Variants in TMEM238L observed in about 807,000 individuals in gnomAD.
TMEM238L encodes the protein transmembrane protein 238 like.
intron 1 of TMEM238L, among the ~76,000 whole-genome samples, chr17:10,801,764 G>A (rs1408952165): frequency 2.0e-5 from 3 of 151,826 alleles, no homozygotes; most frequent in East Asian, 1.9e-4. Context: ...CCTGAGAGTA[G>A]AGCCCCCACG....
chr17:10,799,185 C>T lies in TMEM238L; in HGVS notation c.*119-3237G>A, dbSNP rs1904655306. On this transcript the variant is annotated intron_variant, in intron 1 of 1. Transcript: ENST00000581851. ...GGGGCAGGGTGGGGGCAGGTCCTATCAAACTCATTTTTTAATTTTTTATTT... is the reference window on the plus strand; with the variant it reads ...GGGGCAGGGTGGGGGCAGGTCCTATTAAACTCATTTTTTAATTTTTTATTT... Among the ~76,000 whole-genome samples, 2 of 152,172 alleles carry T rather than the reference C, an allele frequency of 1.3e-5. 1 individual carries two copies. The highest frequency in any genetic ancestry group is 4.1e-4 in the South Asian group (2 of 4,824).
At chr17:10,804,030 C>T in exon 1 of TMEM238L, 1 of 402,348 alleles carries the variant, frequency 2.5e-6, no homozygotes, top group Non-Finnish European at 4.4e-6. Context: ...GGGTGGCGGT[C>T]CTGCCTGCTG....
chr17:10,801,462 C>T (rs894769535), intron 1 of TMEM238L, among the ~76,000 whole-genome samples: 1 of 152,202 alleles, frequency 6.6e-6, no homozygotes, highest in Non-Finnish European at 1.5e-5. Flanking sequence ...GCTCTCTGCC[C>T]TTCAATCTCC....
intron 1 of TMEM238L, among the ~76,000 whole-genome samples, chr17:10,797,389 C>T (rs1186746348): frequency 9.4e-5 from 6 of 64,080 alleles, no homozygotes; most frequent in Non-Finnish European, 1.4e-4. Flanking sequence ...CCTTCCCTCC[C>T]TCCCTCCCTC....
chr17:10,797,351 C>CT (rs1443407461), intron 1 of TMEM238L, among the ~76,000 whole-genome samples: 1 of 145,332 alleles, frequency 6.9e-6, no homozygotes, highest in Non-Finnish European at 1.5e-5. Flanking sequence ...TTTCTTCCTC[C>CT]CCCCTTTCCT....
chr17:10,803,906 T>C (rs1904820845), exon 1 of TMEM238L: 6 of 399,418 alleles, frequency 1.5e-5, no homozygotes, highest in South Asian at 1.3e-4. Context: ...AGGGCGAGGA[T>C]GAGGAAGAGC....
chr17:10,803,849 C>A, exon 1 of TMEM238L: 1 of 399,554 alleles, frequency 2.5e-6, no homozygotes. Context: ...CTCAGGGGGG[C>A]CAAGATCCCC....
chr17:10,802,805 A>G (rs1567610356), intron 1 of TMEM238L, among the ~76,000 whole-genome samples: 1 of 152,116 alleles, frequency 6.6e-6, no homozygotes, highest in South Asian at 2.1e-4. Flanking sequence ...TAAGGACCAG[A>G]CCACTCTATC....
At chr17:10,803,799 C>T (rs1904818204) in exon 1 of TMEM238L, 1 of 399,596 alleles carries the variant, frequency 2.5e-6, no homozygotes, top group East Asian at 3.6e-5. Context: ...GGCTGAGAGC[C>T]AGGATCAGGG....
intron 1 of TMEM238L, among the ~76,000 whole-genome samples, chr17:10,801,655 T>C (rs1317036161): frequency 6.6e-6 from 1 of 152,226 alleles, no homozygotes; most frequent in East Asian, 1.9e-4. Context: ...TGTGGCAGGA[T>C]GCTCCTCTCC....
chr17:10,800,809 GC>G (rs1347381188), intron 1 of TMEM238L, among the ~76,000 whole-genome samples: 4 of 152,194 alleles, frequency 2.6e-5, no homozygotes, highest in African/African-American at 9.7e-5. Flanking sequence ...TATGGCCCAT[GC>G]TCTTCAACGC....
chr17:10,799,415 C>T (rs901383360), intron 1 of TMEM238L, among the ~76,000 whole-genome samples: 1 of 152,158 alleles, frequency 6.6e-6, no homozygotes, highest in Non-Finnish European at 1.5e-5. Context: ...CCAGGCTGGT[C>T]TCCAACTTCT....
intron 1 of TMEM238L, among the ~76,000 whole-genome samples, chr17:10,803,111 CG>C (rs1904796011): frequency 6.6e-6 from 1 of 151,922 alleles, no homozygotes; most frequent in African/African-American, 2.4e-5. Flanking sequence ...AGGAAGTGAA[CG>C]AGAGGGGCCG....
chr17:10,803,628 G>T (rs930095022), exon 1 of TMEM238L: 11 of 397,756 alleles, frequency 2.8e-5, no homozygotes, highest in African/African-American at 1.9e-4. Flanking sequence ...TGGCTTGCTA[G>T]GTGGAAGCTG....
At chr17:10,800,178 C>T (rs1023861773) in intron 1 of TMEM238L, among the ~76,000 whole-genome samples, 5 of 152,062 alleles carry the variant, frequency 3.3e-5, no homozygotes, top group East Asian at 1.9e-4. Context: ...GTGATCCGCC[C>T]GCCTCAGCCT....
At chr17:10,801,081 C>G (rs557815553) in intron 1 of TMEM238L, among the ~76,000 whole-genome samples, 3 of 149,680 alleles carry the variant, frequency 2.0e-5, no homozygotes, top group South Asian at 4.2e-4. Context: ...GACGGAGTCT[C>G]GCTCTGTCAC....
chr17:10,801,053 G>GT (rs34698731), intron 1 of TMEM238L, among the ~76,000 whole-genome samples: 1,940 of 141,192 alleles, frequency 0.014, 19 homozygotes, highest in Middle Eastern at 0.037. Context: ...CCTTTTTACT[G>GT]TTTTTTTTTT....
intron 1 of TMEM238L, among the ~76,000 whole-genome samples, chr17:10,800,106 G>A (rs1904691983): frequency 6.6e-6 from 1 of 152,094 alleles, no homozygotes; most frequent in Non-Finnish European, 1.5e-5. Flanking sequence ...TAATTTTTGT[G>A]TATTTTTAGT....
chr17:10,796,587 A>G (rs1904553322), intron 1 of TMEM238L, among the ~76,000 whole-genome samples: 2 of 152,152 alleles, frequency 1.3e-5, no homozygotes, highest in African/African-American at 4.8e-5. Flanking sequence ...TTCTGTCTCC[A>G]CCATTTACTG....
Sources: allele counts gnomAD v4.1 joint callset (sites outside exome capture counted in the v4.1 genomes callset), GRCh38; gene constraint gnomAD v4.1.1; transcripts MANE v1.5; gene names NCBI Gene and HGNC (gene_info 2026-07-23, HGNC 2026-07-21).